Variants in ZNF438 observed in about 807,000 individuals in gnomAD.
ZNF438 encodes the protein zinc finger protein 438.
Under a neutral mutation model 38.0 loss-of-function variants are expected in ZNF438, and 25 were observed. The ratio of observed to expected loss-of-function variants is 0.66; its 90% confidence interval spans 0.48 to 0.92. ZNF438 has a LOEUF of 0.92. Among genes scored for constraint, ZNF438 ranks in the 40% least tolerant of loss-of-function variants. The pLI is 0.00. For synonymous variants in ZNF438, 372 were observed against 364.1 expected (o/e 1.02, Z -0.25); for missense variants, 1,007 against 999.6 (o/e 1.01, Z -0.10).
chr10:30,907,371 C>T (rs1029872908), intron 3 of ZNF438, among the ~76,000 whole-genome samples: 1 of 152,150 alleles, frequency 6.6e-6, no homozygotes, highest in Non-Finnish European at 1.5e-5. Context: ...AATACACTGG[C>T]CTCACAGAAT....
exon 5 of ZNF438, chr10:30,848,842 G>A (rs2032931839): frequency 6.2e-7 from 1 of 1,614,098 alleles, no homozygotes; most frequent in Non-Finnish European, 8.5e-7. Flanking sequence ...GGTCTCGAAG[G>A]TGCTGTTTGA....
At chr10:31,026,803 G>A in intron 1 of ZNF438, among the ~76,000 whole-genome samples, 1 of 152,092 alleles carries the variant, frequency 6.6e-6, no homozygotes, top group East Asian at 1.9e-4. Flanking sequence ...TATGTTTATT[G>A]TGGCACTATT....
intron 1 of ZNF438, among the ~76,000 whole-genome samples, chr10:30,962,882 T>C (rs1338014601): frequency 6.6e-6 from 1 of 152,214 alleles, no homozygotes; most frequent in Non-Finnish European, 1.5e-5. Flanking sequence ...TTGGAAAAAC[T>C]GGTTTCGTTT....
intron 5 of ZNF438, 26 bp from the exon 7 acceptor site, chr10:30,845,599 T>C (rs771452039): frequency 6.3e-7 from 1 of 1,582,208 alleles, no homozygotes; most frequent in Non-Finnish European, 8.6e-7. Flanking sequence ...ATAATGAAGA[T>C]AAGATTTCAT....
chr10:31,007,896 T>C (rs1447375705), intron 1 of ZNF438, among the ~76,000 whole-genome samples: 3 of 152,190 alleles, frequency 2.0e-5, no homozygotes, highest in Non-Finnish European at 2.9e-5. Flanking sequence ...GACTCAGCTC[T>C]CTCATAAAGC....
In ZNF438 at chr10:30,972,952, A is replaced by AATC. The variant is rs750861405; in HGVS notation, c.-191-31304_-191-31302dup. 5.4e-3 allele frequency among the ~76,000 whole-genome samples: 817 copies of AATC among 152,102 alleles called. 3 individuals are homozygous for AATC. The highest frequency in any genetic ancestry group is 0.01 in the African/African-American group (418 of 41,510). ...ATTTGTAGCTAGTAGAGGGCAATTC[A>AATC]ATCATCATCATCATCATCATCATCT... is the stretch of plus-strand genomic sequence containing the variant. On this transcript the variant is annotated intron_variant, in intron 1 of 5. Transcript: ENST00000413025.
intron 3 of ZNF438, among the ~76,000 whole-genome samples, chr10:30,906,437 TTGC>T (rs1269314635): frequency 6.6e-6 from 1 of 152,216 alleles, no homozygotes; most frequent in Non-Finnish European, 1.5e-5. Context: ...TCTTTCAACC[TTGC>T]TGAATTCATT....
At chr10:31,013,252 G>A (rs1294005246) in intron 1 of ZNF438, among the ~76,000 whole-genome samples, 1 of 152,012 alleles carries the variant, frequency 6.6e-6, no homozygotes, top group Non-Finnish European at 1.5e-5. Flanking sequence ...CCGGGAGGCG[G>A]AGCTTGCAGT....
At chr10:30,968,430 T>C (rs915106872) in intron 1 of ZNF438, among the ~76,000 whole-genome samples, 2 of 148,724 alleles carry the variant, frequency 1.3e-5, no homozygotes, top group Non-Finnish European at 3.0e-5. Context: ...TAACTGAATG[T>C]AAACTTTTTT....
intron 1 of ZNF438, among the ~76,000 whole-genome samples, chr10:30,978,431 T>C (rs1378240290): frequency 1.3e-5 from 2 of 152,218 alleles, no homozygotes; most frequent in East Asian, 3.8e-4. Flanking sequence ...TCAAAATTTG[T>C]GTACCAGGGT....
intron 1 of ZNF438, among the ~76,000 whole-genome samples, chr10:31,002,537 C>G (rs1345489140): frequency 6.6e-6 from 1 of 152,132 alleles, no homozygotes; most frequent in East Asian, 1.9e-4. Flanking sequence ...TTTTCTACTA[C>G]TTTTCAAAAA....
At chr10:30,864,126 T>C (rs1219398786) in intron 4 of ZNF438, among the ~76,000 whole-genome samples, 1 of 152,218 alleles carries the variant, frequency 6.6e-6, no homozygotes, top group Non-Finnish European at 1.5e-5. Flanking sequence ...ACTCATTCAC[T>C]GTCCCTTTTA....
At chr10:30,963,496 G>A (rs999260224) in intron 1 of ZNF438, among the ~76,000 whole-genome samples, 16 of 151,806 alleles carry the variant, frequency 1.1e-4, no homozygotes, top group East Asian at 1.9e-4. Context: ...ACCTATCTAC[G>A]TGTAAAAAAA....
intron 2 of ZNF438, among the ~76,000 whole-genome samples, chr10:30,931,725 C>T (rs1158542518): frequency 1.3e-5 from 2 of 152,164 alleles, no homozygotes; most frequent in African/African-American, 4.8e-5. Context: ...CCAGGTACGT[C>T]AAACATTCTT....
intron 4 of ZNF438, among the ~76,000 whole-genome samples, chr10:30,859,603 T>TAGG (rs2035249058): frequency 6.6e-6 from 1 of 152,226 alleles, no homozygotes; most frequent in Non-Finnish European, 1.5e-5. Flanking sequence ...CTTTGGCACT[T>TAGG]CACTCTCTGT....
chr10:30,956,900 ATAAGCC>A (rs1313773615), intron 1 of ZNF438, among the ~76,000 whole-genome samples: 1 of 152,218 alleles, frequency 6.6e-6, no homozygotes, highest in African/African-American at 2.4e-5. Flanking sequence ...TTTTGGATAT[ATAAGCC>A]GTACAGTGAA....
chr10:30,941,278 G>C (rs1484677393), intron 2 of ZNF438, among the ~76,000 whole-genome samples: 4 of 151,998 alleles, frequency 2.6e-5, no homozygotes, highest in Admixed American at 2.6e-4. Flanking sequence ...CACCTTGTTG[G>C]TCAGGCTGGT....
intron 1 of ZNF438, among the ~76,000 whole-genome samples, chr10:30,943,353 T>C (rs1164621869): frequency 5.9e-5 from 9 of 151,670 alleles, no homozygotes; most frequent in Non-Finnish European, 1.0e-4. Flanking sequence ...AGACCATCTA[T>C]TGAGACAGAG....
intron 3 of ZNF438, among the ~76,000 whole-genome samples, chr10:30,896,889 G>GCCTTGTAACTGA (rs1187664579): frequency 6.6e-6 from 1 of 152,174 alleles, no homozygotes; most frequent in Non-Finnish European, 1.5e-5. Context: ...CTGACATGAA[G>GCCTTGTAACTGA]CATAGGCCTT....
Sources: allele counts gnomAD v4.1 joint callset (sites outside exome capture counted in the v4.1 genomes callset), GRCh38; gene constraint gnomAD v4.1.1; transcripts MANE v1.5; gene names NCBI Gene and HGNC (gene_info 2026-07-23, HGNC 2026-07-21).